TBC1D4: variants seen among roughly 807,000 people sequenced by gnomAD.
TBC1D4 encodes the protein TBC1 domain family member 4, also known as TBC (Tre-2, BUB2, CDC16) domain-containing protein.
In TBC1D4, 121 loss-of-function variants were observed where a neutral mutation model predicts 142.5. The observed-to-expected ratio is 0.85, with a 90% CI of 0.73 to 0.99. The LOEUF (loss-of-function observed/expected upper bound fraction) is 0.99. TBC1D4 is among the 50% of genes least tolerant of loss of function. TBC1D4 has a pLI of 0.00. For missense variants in TBC1D4, 1,475 were observed against 1,606.6 expected (o/e 0.92, Z 1.40); for synonymous variants, 630 against 628.2 (o/e 1.00, Z -0.04).
intron 15 of TBC1D4, among the ~76,000 whole-genome samples, chr13:75,306,000 C>G (rs140254269): frequency 6.6e-6 from 1 of 152,088 alleles, no homozygotes; most frequent in Non-Finnish European, 1.5e-5. Flanking sequence ...ATACTTCTGA[C>G]CAAATGATGA....
rs535773300 is a variant in TBC1D4, at chr13:75,365,783, T to G, written c.499-3176A>C. ...GGGGGGATTTTGTTGCTTACTAGAATTCCTCCCTGTGGCCACTAGGAAAAT... is the reference window on the plus strand; with the variant it reads ...GGGGGGATTTTGTTGCTTACTAGAAGTCCTCCCTGTGGCCACTAGGAAAAT... On this transcript the variant is annotated intron_variant, in intron 1 of 20. Transcript: ENST00000377636. 1.2e-4 allele frequency among the ~76,000 whole-genome samples: 19 copies of G among 152,270 alleles called. No homozygotes were observed. In the East Asian group the frequency reaches 2.1e-3, roughly 17 times the overall value.
At chr13:75,447,564 A>G (rs926121208) in intron 1 of TBC1D4, among the ~76,000 whole-genome samples, 3 of 151,586 alleles carry the variant, frequency 2.0e-5, no homozygotes, top group Non-Finnish European at 4.4e-5. Context: ...CTGTTTATAT[A>G]TATATATGCA....
intron 17 of TBC1D4, among the ~76,000 whole-genome samples, chr13:75,297,565 C>T (rs1432663399): frequency 6.6e-6 from 1 of 151,858 alleles, no homozygotes; most frequent in Non-Finnish European, 1.5e-5. Flanking sequence ...GACCAGCCTG[C>T]CCAACACAGT....
At chr13:75,466,081 G>C (rs1050249745) in intron 1 of TBC1D4, among the ~76,000 whole-genome samples, 3 of 152,196 alleles carry the variant, frequency 2.0e-5, no homozygotes, top group Non-Finnish European at 4.4e-5. Context: ...TCATCTGAGA[G>C]CTGTGTCAGA....
intron 1 of TBC1D4, among the ~76,000 whole-genome samples, chr13:75,449,379 TAACAATAAC>T (rs1268417407): frequency 6.6e-6 from 1 of 151,952 alleles, no homozygotes; most frequent in Non-Finnish European, 1.5e-5. Context: ...AGTAAGAGAT[TAACAATAAC>T]AACTAATGAT....
intron 12 of TBC1D4, among the ~76,000 whole-genome samples, chr13:75,314,327 A>C (rs1274330528): frequency 3.3e-5 from 5 of 152,004 alleles, no homozygotes; most frequent in Non-Finnish European, 7.4e-5. Context: ...GAGGTCAGAA[A>C]TAAAGCTCAG....
At chr13:75,443,751 CT>C (rs1252134800) in intron 1 of TBC1D4, among the ~76,000 whole-genome samples, 1 of 152,184 alleles carries the variant, frequency 6.6e-6, no homozygotes, top group Non-Finnish European at 1.5e-5. Context: ...CCACCAAGCC[CT>C]GTCCCTACTC....
intron 1 of TBC1D4, among the ~76,000 whole-genome samples, chr13:75,470,128 AT>A (rs1179223044): frequency 1.3e-5 from 2 of 152,128 alleles, no homozygotes; most frequent in African/African-American, 2.4e-5. Context: ...AATACCTATT[AT>A]TTTTTACAAG....
intron 1 of TBC1D4, among the ~76,000 whole-genome samples, chr13:75,405,269 C>CTT (rs5804811): frequency 0.47 from 58,983 of 126,716 alleles, 16,779 homozygotes; most frequent in South Asian, 0.66. Flanking sequence ...TGTATATATG[C>CTT]TTTTTTTTTT....
At chr13:75,373,490 G>A (rs888969667) in intron 1 of TBC1D4, among the ~76,000 whole-genome samples, 4 of 152,102 alleles carry the variant, frequency 2.6e-5, no homozygotes, top group Non-Finnish European at 4.4e-5. Flanking sequence ...GCAAGCAACC[G>A]GATGCTAATC....
In TBC1D4 at chr13:75,362,414, A is replaced by G; in HGVS notation, c.692T>C (p.Leu231Pro). 1 of 1,614,234 alleles carries G rather than the reference A, an allele frequency of 6.2e-7. No homozygotes were observed. Among genetic ancestry groups the G allele is most frequent in the Non-Finnish European group, 8.5e-7 (1 of 1,180,044 alleles). ...GATCTTCAGGCGCTGCTGTTCGTGC[A>G]GGCTGAACTTCTCCATGCAGTCATC... ...LIDDCMEKFS[L>P]HEQQRLKIQG... The change falls in exon 2 of 21, where the codon CTG becomes CCG. Residue 231 changes from leucine to proline, a missense_variant. This residue lies in a region of TBC1D4 where 1,227 missense variants were observed against 1,267.7 expected (regional missense o/e 0.97). Coordinates refer to ENST00000377636, the MANE Select transcript of TBC1D4 (RefSeq NM_014832.5). The surrounding 1 kb of genome is among the most constrained non-coding windows in gnomAD (Gnocchi z 4.2).
At chr13:75,465,730 T>C (rs1888139056) in intron 1 of TBC1D4, among the ~76,000 whole-genome samples, 1 of 152,140 alleles carries the variant, frequency 6.6e-6, no homozygotes, top group Admixed American at 6.5e-5. Context: ...TAATTACTGA[T>C]AGAACAGACT....
At chr13:75,455,144 G>C (rs575801690) in intron 1 of TBC1D4, among the ~76,000 whole-genome samples, 2 of 152,178 alleles carry the variant, frequency 1.3e-5, no homozygotes, top group East Asian at 3.9e-4. Context: ...AATGAGAACT[G>C]GAGAACCTTC....
rs1332593225 is a variant in TBC1D4 at position 75,285,801 on chromosome 13, G to A, written c.*991C>T. ...TTTGGAAAAAATCAATCATAATTAC[G>A]TTTCCTTATACTGAATTTAAGGTAG... On this transcript the variant is annotated 3_prime_UTR_variant, in exon 21 of 21. Coordinates refer to ENST00000377636, the MANE Select transcript of TBC1D4 (RefSeq NM_014832.5). 6.6e-6 allele frequency: 1 copy of A among 152,488 alleles called. No homozygotes were observed. Among genetic ancestry groups the A allele is most frequent in the Non-Finnish European group, 1.5e-5 (1 of 68,020 alleles). 9.4% of individuals were successfully genotyped at this position (152,488 alleles called of 1,614,324 possible). A position where few individuals can be genotyped will look rare whatever the true frequency, so the allele number is the denominator to read the frequency against.
intron 1 of TBC1D4, among the ~76,000 whole-genome samples, chr13:75,471,716 A>C (rs759394970): frequency 6.1e-4 from 90 of 146,540 alleles, no homozygotes; most frequent in Middle Eastern, 3.5e-3. Flanking sequence ...ACTCCAGCCT[A>C]GGTGACGGTG....
chr13:75,346,536 C>A (rs1184266007), intron 5 of TBC1D4, among the ~76,000 whole-genome samples: 1 of 152,198 alleles, frequency 6.6e-6, no homozygotes, highest in East Asian at 1.9e-4. Context: ...TTTTCTTTAT[C>A]CAGTCTATCA....
chr13:75,312,689 A>G (rs1473407918), intron 13 of TBC1D4, 49 bp downstream of exon 13: 2 of 1,612,034 alleles, frequency 1.2e-6, no homozygotes, highest in African/African-American at 2.7e-5. Flanking sequence ...TCCATTAGCT[A>G]ATTTCTGACA....
At chr13:75,375,022 G>A (rs1039257345) in intron 1 of TBC1D4, among the ~76,000 whole-genome samples, 2 of 152,124 alleles carry the variant, frequency 1.3e-5, no homozygotes, top group Non-Finnish European at 2.9e-5. Flanking sequence ...AGGTAAAGAG[G>A]TGCAACTGGC....
intron 1 of TBC1D4, among the ~76,000 whole-genome samples, chr13:75,409,680 A>C (rs1885510590): frequency 6.6e-6 from 1 of 152,238 alleles, no homozygotes; most frequent in Admixed American, 6.5e-5. Flanking sequence ...AGGAACAAAA[A>C]CACAAATCTC....
Sources: allele counts gnomAD v4.1 joint callset (sites outside exome capture counted in the v4.1 genomes callset), GRCh38; gene constraint gnomAD v4.1.1; regional missense constraint gnomAD v4.1.1; non-coding constraint Gnocchi (gnomAD v3.1); transcripts MANE v1.5; gene names NCBI Gene and HGNC (gene_info 2026-07-23, HGNC 2026-07-21).